Variants in SUCLG2 observed in about 807,000 individuals in gnomAD.
SUCLG2 encodes succinate-CoA ligase GDP-forming subunit beta, also known as succinate--CoA ligase [GDP-forming] subunit beta, mitochondrial.
Under a neutral mutation model 47.9 loss-of-function variants are expected in SUCLG2, and 42 were observed. The ratio of observed to expected loss-of-function variants is 0.88; its 90% CI spans 0.69 to 1.14. The LOEUF (loss-of-function observed/expected upper bound fraction) is 1.14, where lower values mean the gene tolerates loss of function less well. Among genes scored for constraint, SUCLG2 ranks in the 50% most tolerant of loss-of-function variants. The pLI is 0.00. For missense variants in SUCLG2, 571 were observed against 525.9 expected (o/e 1.09, Z -0.84); for synonymous variants, 195 against 197.3 (o/e 0.99, Z 0.10).
chr3:67,402,349 T>C lies in SUCLG2; in HGVS notation c.1063-1498A>G, dbSNP rs1015753994. Among the ~76,000 whole-genome samples the C allele has an allele frequency of 2.6e-5, 4 of 152,344 alleles. No homozygotes were observed. The South Asian group carries it at 8.3e-4, about 32-fold the overall frequency. Reference sequence around the variant, plus strand: ...CTTTTTCAGTAGACTGCAGCTCATGTTGAATTCAAATATAATGGAAATACA... The same window carrying C: ...CTTTTTCAGTAGACTGCAGCTCATGCTGAATTCAAATATAATGGAAATACA... On this transcript the variant is annotated intron_variant, in intron 9 of 10. Transcript: ENST00000307227.
intron 4 of SUCLG2, among the ~76,000 whole-genome samples, chr3:67,526,229 TAAG>T (rs1706251947): frequency 6.6e-6 from 1 of 152,224 alleles, no homozygotes; most frequent in South Asian, 2.1e-4. Flanking sequence ...CACAATGGCA[TAAG>T]AAGGATTGTC....
intron 9 of SUCLG2, among the ~76,000 whole-genome samples, chr3:67,489,335 C>G (rs556188604): frequency 6.6e-5 from 10 of 152,124 alleles, no homozygotes; most frequent in African/African-American, 2.2e-4. Context: ...AGAAAAGGGC[C>G]CAGAGTGGTA....
intron 8 of SUCLG2, among the ~76,000 whole-genome samples, chr3:67,497,815 TG>T (rs1287602299): frequency 1.3e-5 from 2 of 152,160 alleles, no homozygotes; most frequent in Non-Finnish European, 2.9e-5. Context: ...TTGATTTACA[TG>T]GGTTTATTTG....
At chr3:67,519,788 C>T (rs1197291567) in intron 5 of SUCLG2, among the ~76,000 whole-genome samples, 5 of 152,050 alleles carry the variant, frequency 3.3e-5, no homozygotes, top group South Asian at 2.1e-4. Context: ...TCATAGCTGA[C>T]GTAGGTTAAG....
At chr3:67,534,265 C>A (rs11919747) in intron 2 of SUCLG2, among the ~76,000 whole-genome samples, 11,921 of 151,976 alleles carry the variant, frequency 0.078, 551 homozygotes, top group East Asian at 0.17. Context: ...TCTTTGGATA[C>A]TGTGGGGGCA....
At chr3:67,543,543 T>C (rs116470506) in intron 2 of SUCLG2, among the ~76,000 whole-genome samples, 1 of 152,182 alleles carries the variant, frequency 6.6e-6, no homozygotes, top group African/African-American at 2.4e-5. Context: ...GGCATACCTG[T>C]AGTCCAAGCT....
chr3:67,640,388 C>G (rs564582517), intron 1 of SUCLG2, among the ~76,000 whole-genome samples: 1 of 152,290 alleles, frequency 6.6e-6, no homozygotes, highest in East Asian at 1.9e-4. Flanking sequence ...TGAGTCTCTT[C>G]CCTAAAGCCA....
At chr3:67,616,855 C>T (rs932189554) in intron 1 of SUCLG2, among the ~76,000 whole-genome samples, 1 of 152,202 alleles carries the variant, frequency 6.6e-6, no homozygotes, top group African/African-American at 2.4e-5. Context: ...TTAAACCTCA[C>T]TTCGAGCTCT....
At chr3:67,590,259 A>G (rs913254690) in intron 2 of SUCLG2, among the ~76,000 whole-genome samples, 1 of 152,192 alleles carries the variant, frequency 6.6e-6, no homozygotes, top group Non-Finnish European at 1.5e-5. Context: ...TTTCCCACAT[A>G]CCTCCCTGTG....
At chr3:67,368,196 A>T (rs1701900679) in intron 10 of SUCLG2, among the ~76,000 whole-genome samples, 1 of 152,308 alleles carries the variant, frequency 6.6e-6, no homozygotes, top group South Asian at 2.1e-4. Context: ...GCTGAGAAGT[A>T]TGAGTCCAGT....
chr3:67,374,342 A>C (rs571488658), downstream of SUCLG2, among the ~76,000 whole-genome samples: 1 of 152,214 alleles, frequency 6.6e-6, no homozygotes, highest in Non-Finnish European at 1.5e-5. Flanking sequence ...GGTAAAAAAA[A>C]CAAACAAAAT....
At chr3:67,420,324 A>G (rs9838227) in intron 9 of SUCLG2, among the ~76,000 whole-genome samples, 10,005 of 152,302 alleles carry the variant, frequency 0.066, 360 homozygotes, top group East Asian at 0.11. Context: ...ATTTTGTTTT[A>G]TAACAATGCA....
intron 6 of SUCLG2, among the ~76,000 whole-genome samples, chr3:67,511,133 C>T (rs917328873): frequency 2.9e-5 from 4 of 136,900 alleles, no homozygotes; most frequent in Middle Eastern, 3.5e-3. Context: ...GTAATCTGCC[C>T]ACCTCAGCCT....
At chr3:67,529,261 T>C (rs1054436530) in intron 2 of SUCLG2, 75 bp from the exon 3 acceptor site, 24 of 1,093,990 alleles carry the variant, frequency 2.2e-5, no homozygotes, top group Non-Finnish European at 3.1e-5. Context: ...AGGAAAGCAA[T>C]AATGGCACAT....
rs188985800 is a variant in SUCLG2, at chr3:67,539,985, G to A, written c.227-10799C>T. ...GTCTGGCTAGCAGACTATCTATTTTGTTAGCCTTTTCAAAAAAAACAGCTC... is the reference window on the plus strand; with the variant it reads ...GTCTGGCTAGCAGACTATCTATTTTATTAGCCTTTTCAAAAAAAACAGCTC... On this transcript the variant is annotated intron_variant, in intron 2 of 10. Coordinates refer to ENST00000307227, the MANE Select transcript of SUCLG2 (RefSeq NM_003848.4). Among the ~76,000 whole-genome samples, 37 of 150,996 alleles carry A rather than the reference G, an allele frequency of 2.5e-4. No individual in the cohort carries two copies. The East Asian group carries it at 3.2e-3, about 13-fold the overall frequency.
At chr3:67,565,411 G>T (rs1313956317) in intron 2 of SUCLG2, among the ~76,000 whole-genome samples, 1 of 152,108 alleles carries the variant, frequency 6.6e-6, no homozygotes, top group Non-Finnish European at 1.5e-5. Flanking sequence ...TATTATTTCA[G>T]TCTTACCCCA....
chr3:67,507,747 T>A (rs186053387), intron 7 of SUCLG2, among the ~76,000 whole-genome samples: 3 of 152,318 alleles, frequency 2.0e-5, no homozygotes, highest in Non-Finnish European at 1.5e-5. Context: ...TGTTTACACA[T>A]AATGATTCAC....
intron 1 of SUCLG2, among the ~76,000 whole-genome samples, chr3:67,651,463 T>A (rs185055237): frequency 1.3e-5 from 2 of 152,342 alleles, no homozygotes; most frequent in Admixed American, 6.5e-5. Flanking sequence ...TCAGCTCATA[T>A]GTCAAAAAGG....
At chr3:67,627,091 A>C (rs1318678153) in intron 1 of SUCLG2, among the ~76,000 whole-genome samples, 1 of 152,100 alleles carries the variant, frequency 6.6e-6, no homozygotes, top group Non-Finnish European at 1.5e-5. Flanking sequence ...TTGAAATTGA[A>C]GATGGGGGGA....
Sources: gnomAD v4.1 joint callset for allele counts (sites outside exome capture counted in the v4.1 genomes callset) on GRCh38, gnomAD v4.1.1 for gene constraint, MANE v1.5 for transcripts, NCBI Gene and HGNC (gene_info 2026-07-23, HGNC 2026-07-21) for gene names.